AGPAT4: variants seen among roughly 807,000 people sequenced by gnomAD.
AGPAT4 encodes the protein 1-acylglycerol-3-phosphate O-acyltransferase 4.
In AGPAT4, 15 loss-of-function variants were observed where a neutral mutation model predicts 48.0. The observed-to-expected ratio is 0.31, with a 90% CI of 0.21 to 0.48. The LOEUF is 0.48. Among genes scored for constraint, AGPAT4 ranks in the 20% least tolerant of loss-of-function variants. The pLI, the probability that AGPAT4 is intolerant of heterozygous loss-of-function variation, is 0.99. For synonymous variants in AGPAT4, 178 were observed against 198.7 expected (o/e 0.90, Z 0.88); for missense variants, 314 against 482.5 (o/e 0.65, Z 3.27).
rs1554233596 is a variant in AGPAT4 at position 161,196,053 on chromosome 6, A to AT, written c.179-29637dup. On this transcript the variant is annotated intron_variant, in intron 2 of 8. Coordinates refer to ENST00000320285, the MANE Select transcript of AGPAT4 (RefSeq NM_020133.3). The surrounding 1 kb of genome is among the most constrained non-coding windows in gnomAD (Gnocchi z 4.3). ...AAGGTGCCAGGACTTTAGGATTTGC[A>AT]TAACTTAATGAGGCTTAATGACCCA... 6.6e-6 allele frequency among the ~76,000 whole-genome samples: 1 copy of AT among 152,220 alleles called. No individual in the cohort carries two copies. Among genetic ancestry groups the AT allele is most frequent in the Non-Finnish European group, 1.5e-5 (1 of 68,034 alleles).
At position 161,147,240 on chromosome 6, in the gene AGPAT4, C is replaced by G. The variant is rs1779458072; in HGVS notation, c.768-641G>C. Among the ~76,000 whole-genome samples, 1 of 152,184 alleles carries G rather than the reference C, an allele frequency of 6.6e-6. No individual in the cohort carries two copies. The highest frequency in any genetic ancestry group is 2.1e-4 in the South Asian group (1 of 4,822). ...TTGAGTCACTGTGCACCAGCGAGAGCTCAGAGACTTGGGTGGCTCTGGGGA... is the reference window on the plus strand; with the variant it reads ...TTGAGTCACTGTGCACCAGCGAGAGGTCAGAGACTTGGGTGGCTCTGGGGA... On this transcript the variant is annotated intron_variant, in intron 6 of 8. Coordinates refer to ENST00000320285, the MANE Select transcript of AGPAT4 (RefSeq NM_020133.3). This position sits in a 1 kb window ranked among gnomAD's most constrained non-coding sequence, Gnocchi z 4.8.
rs1781823521 is a variant in AGPAT4 at position 161,221,128 on chromosome 6, G to A, written c.178+10908C>T. Among the ~76,000 whole-genome samples the A allele has an allele frequency of 6.6e-6, 1 of 152,122 alleles. No individual in the cohort carries two copies. Among genetic ancestry groups the A allele is most frequent in the Admixed American group, 6.5e-5 (1 of 15,274 alleles). On this transcript the variant is annotated intron_variant, in intron 2 of 8. Coordinates refer to ENST00000320285, the MANE Select transcript of AGPAT4 (RefSeq NM_020133.3). This position sits in a 1 kb window ranked among gnomAD's most constrained non-coding sequence, Gnocchi z 4.5. ...GATGACACAAACGCTGGATGAACATGGTGAGCAAGGAACACATGGTGAAGG... is the reference window on the plus strand; with the variant it reads ...GATGACACAAACGCTGGATGAACATAGTGAGCAAGGAACACATGGTGAAGG...
In AGPAT4 at chr6:161,238,298, T is replaced by C. The variant is rs1782361255; in HGVS notation, c.-89-5996A>G. Among the ~76,000 whole-genome samples the C allele has an allele frequency of 6.6e-6, 1 of 152,142 alleles. No individual in the cohort carries two copies. Among genetic ancestry groups the C allele is most frequent in the Non-Finnish European group, 1.5e-5 (1 of 68,028 alleles). On this transcript the variant is annotated intron_variant, in intron 1 of 8. Transcript: ENST00000320285. This position sits in a 1 kb window ranked among gnomAD's most constrained non-coding sequence, Gnocchi z 5.2. ...TGCAAGGAGCAAGTATAGTAAAGCA[T>C]TGGAAACACTTGCCAGGATGCCTGG...
rs1398021305 is a variant in AGPAT4 at position 161,221,746 on chromosome 6, T to C, written c.178+10290A>G. ...TGTGAGGGAGGATCTGTGTCACAGC[T>C]CTCTCCCAGCGGCTGGGAGCCAGGT... On this transcript the variant is annotated intron_variant, in intron 2 of 8. Coordinates refer to ENST00000320285, the MANE Select transcript of AGPAT4 (RefSeq NM_020133.3). The surrounding 1 kb of genome is among the most constrained non-coding windows in gnomAD (Gnocchi z 4.5). 1.3e-5 allele frequency among the ~76,000 whole-genome samples: 2 copies of C among 152,128 alleles called. No homozygotes were observed.
At chr6:161,252,972 T>C (rs1782843789) in intron 1 of AGPAT4, among the ~76,000 whole-genome samples, 1 of 151,950 alleles carries the variant, frequency 6.6e-6, no homozygotes, top group Admixed American at 6.5e-5. Flanking sequence ...TCCCAGCACT[T>C]TGAGAGGCCA....
chr6:161,251,675 G>C lies in AGPAT4; in HGVS notation c.-89-19373C>G, dbSNP rs1291571850. Among the ~76,000 whole-genome samples, 1 of 152,196 alleles carries C rather than the reference G, an allele frequency of 6.6e-6. No homozygotes were observed. Among genetic ancestry groups the C allele is most frequent in the Admixed American group, 6.5e-5 (1 of 15,278 alleles). On this transcript the variant is annotated intron_variant, in intron 1 of 8. Coordinates refer to ENST00000320285, the MANE Select transcript of AGPAT4 (RefSeq NM_020133.3). This position sits in a 1 kb window ranked among gnomAD's most constrained non-coding sequence, Gnocchi z 4.6. ...GTTCATTTGTGCCAACGTATTCCCA[G>C]GTGGGAATGAGGGGAGCCAGGTGGA...
At chr6:161,209,690 C>T (rs1347607496) in intron 2 of AGPAT4, among the ~76,000 whole-genome samples, 1 of 152,096 alleles carries the variant, frequency 6.6e-6, no homozygotes, top group Non-Finnish European at 1.5e-5. Flanking sequence ...GATATAAGCC[C>T]CAAAAGAGCA....
chr6:161,130,869 T>C lies in AGPAT4; in HGVS notation c.*5671A>G. 1.9e-6 allele frequency: 1 copy of C among 519,050 alleles called. No homozygotes were observed. The highest frequency in any genetic ancestry group is 1.4e-5 in the South Asian group (1 of 71,594). The allele number at this position is 519,050 out of a possible 1,614,324, so 32.2% of individuals were successfully genotyped here. A position where few individuals can be genotyped will look rare whatever the true frequency, so the allele number is the denominator to read the frequency against. ...GTTCATCAACTTTCCTTCCTCATGATCTGCAAAGATACAGAGAGAATGGCA... is the reference window on the plus strand; with the variant it reads ...GTTCATCAACTTTCCTTCCTCATGACCTGCAAAGATACAGAGAGAATGGCA... On this transcript the variant is annotated 3_prime_UTR_variant, in exon 9 of 9. Transcript: ENST00000320285.
rs1384046773 is a variant in AGPAT4, at chr6:161,259,745, AG to A, written c.-90+14192del. Among the ~76,000 whole-genome samples the A allele has an allele frequency of 6.6e-6, 1 of 152,116 alleles. No individual in the cohort carries two copies. The highest frequency in any genetic ancestry group is 6.5e-5 in the Admixed American group (1 of 15,280). On this transcript the variant is annotated intron_variant, in intron 1 of 8. Transcript: ENST00000320285. This position sits in a 1 kb window ranked among gnomAD's most constrained non-coding sequence, Gnocchi z 4.9. ...TGAGTGGCACCTTGAGCTTACCAAC[AG>A]GGCAACTCCTCAAATGTGACCAAGG...
rs1363425457 is a variant in AGPAT4 at position 161,222,563 on chromosome 6, T to A, written c.178+9473A>T. Among the ~76,000 whole-genome samples, 2 of 151,524 alleles carry A rather than the reference T, an allele frequency of 1.3e-5. No individual in the cohort carries two copies. Among genetic ancestry groups the A allele is most frequent in the Non-Finnish European group, 2.9e-5 (2 of 68,012 alleles). On this transcript the variant is annotated intron_variant, in intron 2 of 8. Transcript: ENST00000320285. The surrounding 1 kb of genome is among the most constrained non-coding windows in gnomAD (Gnocchi z 5.9). ...AGCTGGGCATCTTTCTATAAAAGAT[T>A]ACGCATGAACAGATTTTTTTTTTTT...
chr6:161,212,623 C>T lies in AGPAT4; in HGVS notation c.178+19413G>A, dbSNP rs1781549784. Among the ~76,000 whole-genome samples, 1 of 152,080 alleles carries T rather than the reference C, an allele frequency of 6.6e-6. No homozygotes were observed. The highest frequency in any genetic ancestry group is 1.5e-5 in the Non-Finnish European group (1 of 68,012). ...GTAAACTCCTGTAATTCTAATATGA[C>T]TTAATGTACATTTTCAGTGATAATT... is the stretch of plus-strand genomic sequence containing the variant. On this transcript the variant is annotated intron_variant, in intron 2 of 8. Coordinates refer to ENST00000320285, the MANE Select transcript of AGPAT4 (RefSeq NM_020133.3). The surrounding 1 kb of genome is among the most constrained non-coding windows in gnomAD (Gnocchi z 6.1).
chr6:161,155,719 G>A lies in AGPAT4; in HGVS notation c.349-1409C>T, dbSNP rs1039729071. On this transcript the variant is annotated intron_variant, in intron 3 of 8. Transcript: ENST00000320285. The surrounding 1 kb of genome is among the most constrained non-coding windows in gnomAD (Gnocchi z 5.8). ...CATGAAATCGGAGGCCCTATCTCCAGGGGACTCCGGGAACATCCCCGTGGG... is the reference window on the plus strand; with the variant it reads ...CATGAAATCGGAGGCCCTATCTCCAAGGGACTCCGGGAACATCCCCGTGGG... 6.6e-6 allele frequency among the ~76,000 whole-genome samples: 1 copy of A among 152,252 alleles called. No individual in the cohort carries two copies. Among genetic ancestry groups the A allele is most frequent in the Non-Finnish European group, 1.5e-5 (1 of 68,044 alleles).
At chr6:161,175,119 T>G (rs1780392243) in intron 2 of AGPAT4, among the ~76,000 whole-genome samples, 1 of 152,186 alleles carries the variant, frequency 6.6e-6, no homozygotes, top group African/African-American at 2.4e-5. Flanking sequence ...CTTTTTTTGT[T>G]GTGTCTCTGC....
In AGPAT4 at chr6:161,215,765, C is replaced by G. The variant is rs1781629723; in HGVS notation, c.178+16271G>C. Among the ~76,000 whole-genome samples the G allele has an allele frequency of 2.0e-5, 3 of 151,814 alleles. No homozygotes were observed. Among genetic ancestry groups the G allele is most frequent in the Admixed American group, 2.0e-4 (3 of 15,246 alleles). ...AGATCCAAGTTTCCTGTTGATAGCT[C>G]AAACTCTAAAAGTCCTACCAGCCAC... is the stretch of plus-strand genomic sequence containing the variant. On this transcript the variant is annotated intron_variant, in intron 2 of 8. Transcript: ENST00000320285. The surrounding 1 kb of genome is among the most constrained non-coding windows in gnomAD (Gnocchi z 4.5).
In AGPAT4 at chr6:161,155,024, C is replaced by T. The variant is rs1368079713; in HGVS notation, c.349-714G>A. On this transcript the variant is annotated intron_variant, in intron 3 of 8. Transcript: ENST00000320285. This position sits in a 1 kb window ranked among gnomAD's most constrained non-coding sequence, Gnocchi z 5.8. ...GGAGATGTGCTCGGTGCCCTCCACA[C>T]CCGCTGCCAGCATGTCCTTGAGGCT... is the stretch of plus-strand genomic sequence containing the variant. Among the ~76,000 whole-genome samples the T allele has an allele frequency of 6.6e-6, 1 of 152,220 alleles. No homozygotes were observed. Among genetic ancestry groups the T allele is most frequent in the African/African-American group, 2.4e-5 (1 of 41,464 alleles).
rs1043707934 is a variant in AGPAT4 at position 161,161,102 on chromosome 6, G to A, written c.348+5146C>T. On this transcript the variant is annotated intron_variant, in intron 3 of 8. Transcript: ENST00000320285. The surrounding 1 kb of genome is among the most constrained non-coding windows in gnomAD (Gnocchi z 4.6). ...GCTGTGACCGTTTGCTGAGGGCTGC[G>A]CACAGAGGAGGAGGAAGCCCCAAGC... 1.8e-5 allele frequency: 8 copies of A among 456,576 alleles called. No individual in the cohort carries two copies. The highest frequency in any genetic ancestry group is 3.2e-4 in the Middle Eastern group (1 of 3,098). 28.3% of individuals were successfully genotyped at this position (456,576 alleles called of 1,614,324 possible). A position where few individuals can be genotyped will look rare whatever the true frequency, so the allele number is the denominator to read the frequency against.
rs1256011552 is a variant in AGPAT4, at chr6:161,240,120, C to G, written c.-89-7818G>C. ...ACATTTTCATTATGATATTAAGTGA[C>G]AGGATACAAAATCATGTGGAGAAAA... On this transcript the variant is annotated intron_variant, in intron 1 of 8. Transcript: ENST00000320285. The surrounding 1 kb of genome is among the most constrained non-coding windows in gnomAD (Gnocchi z 5.5). 6.6e-6 allele frequency among the ~76,000 whole-genome samples: 1 copy of G among 151,368 alleles called. No individual in the cohort carries two copies. Among genetic ancestry groups the G allele is most frequent in the African/African-American group, 2.4e-5 (1 of 41,144 alleles).
In AGPAT4 at chr6:161,164,214, G is replaced by A. The variant is rs933415395; in HGVS notation, c.348+2034C>T. ...CTCCGTGAATGTCTCTTCCCGTCTGGGGGCTATGTCCTCTCTCTGGACCTG... is the reference window on the plus strand; with the variant it reads ...CTCCGTGAATGTCTCTTCCCGTCTGAGGGCTATGTCCTCTCTCTGGACCTG... On this transcript the variant is annotated intron_variant, in intron 3 of 8. Transcript: ENST00000320285. The surrounding 1 kb of genome is among the most constrained non-coding windows in gnomAD (Gnocchi z 7.4). Among the ~76,000 whole-genome samples the A allele has an allele frequency of 6.6e-6, 1 of 152,186 alleles. No individual in the cohort carries two copies. The highest frequency in any genetic ancestry group is 2.4e-5 in the African/African-American group (1 of 41,436).
rs956115933 is a variant in AGPAT4 at position 161,215,569 on chromosome 6, A to T, written c.178+16467T>A. Reference sequence around the variant, plus strand: ...CAGGCAAAACCCATATTTTAAATGTATAACAAGCTCTTTTTGAACCTAAAA... The same window carrying T: ...CAGGCAAAACCCATATTTTAAATGTTTAACAAGCTCTTTTTGAACCTAAAA... On this transcript the variant is annotated intron_variant, in intron 2 of 8. Coordinates refer to ENST00000320285, the MANE Select transcript of AGPAT4 (RefSeq NM_020133.3). This position sits in a 1 kb window ranked among gnomAD's most constrained non-coding sequence, Gnocchi z 4.5. Among the ~76,000 whole-genome samples the T allele has an allele frequency of 6.6e-6, 1 of 152,210 alleles. No individual in the cohort carries two copies. Among genetic ancestry groups the T allele is most frequent in the Non-Finnish European group, 1.5e-5 (1 of 68,042 alleles).
Sources: gnomAD v4.1 joint callset for allele counts (sites outside exome capture counted in the v4.1 genomes callset) on GRCh38, gnomAD v4.1.1 for gene constraint, Gnocchi (gnomAD v3.1) non-coding constraint, MANE v1.5 for transcripts, NCBI Gene and HGNC (gene_info 2026-07-23, HGNC 2026-07-21) for gene names.